The following LOXHD1 variants were observed in gnomAD, a reference collection of about 807,000 sequenced individuals.
LOXHD1 encodes the protein lipoxygenase homology PLAT domains 1, also known as lipoxygenase homology domain-containing protein 1.
LOXHD1 carries 205 observed loss-of-function variants against 248.2 expected under a neutral mutation model. That is an observed-to-expected ratio of 0.83 (90% CI 0.74 to 0.93). LOXHD1 has a LOEUF of 0.93. LOXHD1 is among the 40% of genes least tolerant of loss of function. LOXHD1 has a pLI of 0.00. For synonymous variants in LOXHD1, 1,113 were observed against 1,162.8 expected (o/e 0.96, Z 0.87); for missense variants, 2,930 against 2,971.6 (o/e 0.99, Z 0.33).
intron 4 of LOXHD1, among the ~76,000 whole-genome samples, chr18:46,618,626 A>T (rs1312158591): frequency 2.0e-5 from 3 of 152,230 alleles, no homozygotes; most frequent in Non-Finnish European, 2.9e-5. Flanking sequence ...TTGCCTTGAA[A>T]CACAGGGATC....
At chr18:46,552,970 C>T (rs998446620) in intron 21 of LOXHD1, among the ~76,000 whole-genome samples, 1 of 152,184 alleles carries the variant, frequency 6.6e-6, no homozygotes, top group Non-Finnish European at 1.5e-5. Flanking sequence ...AAGCACCAAA[C>T]AAGGCTGCTG....
chr18:46,585,162 G>A (rs527298659), intron 12 of LOXHD1, among the ~76,000 whole-genome samples: 3 of 152,180 alleles, frequency 2.0e-5, no homozygotes, highest in South Asian at 4.2e-4. Context: ...GATCAGAAAC[G>A]AGTCATCTCT....
intron 3 of LOXHD1, among the ~76,000 whole-genome samples, chr18:46,641,503 A>C (rs1456401555): frequency 1.3e-5 from 2 of 152,166 alleles, no homozygotes; most frequent in Non-Finnish European, 2.9e-5. Context: ...CCACTTGCTG[A>C]GTGTTTACTG....
intron 11 of LOXHD1, 105 bp downstream of exon 11, chr18:46,592,393 T>C (rs2144234604): frequency 1.0e-6 from 1 of 976,118 alleles, no homozygotes; most frequent in Non-Finnish European, 1.5e-6. Context: ...TCAGTCCCTA[T>C]TCACAATAAA....
At chr18:46,570,590 T>C (rs1263143533) in intron 15 of LOXHD1, among the ~76,000 whole-genome samples, 1 of 152,172 alleles carries the variant, frequency 6.6e-6, no homozygotes, top group Non-Finnish European at 1.5e-5. Context: ...TGCTGAAAGA[T>C]GTAGCAGCAG....
chr18:46,555,064 A>T, intron 21 of LOXHD1: 1 of 467,904 alleles, frequency 2.1e-6, no homozygotes, highest in Non-Finnish European at 4.4e-6. Context: ...TAAAGCTATA[A>T]TAATGTTTAA....
In LOXHD1 at chr18:46,591,959, C is replaced by T; in HGVS notation, c.1628G>A (p.Gly543Asp). 6.4e-7 allele frequency: 1 copy of T among 1,551,904 alleles called. No homozygotes were observed. The change falls in exon 12 of 41, where the codon GGC becomes GAC. Residue 543 changes from glycine to aspartate, a missense_variant. Gly to Asp is a moderately conservative substitution (Grantham distance 94). Coordinates refer to ENST00000642948, the MANE Select transcript of LOXHD1 (RefSeq NM_001384474.1). ...NEIVREMTAEGPTVRRIMGMA... is the reference protein window; with the variant it reads ...NEIVREMTAEDPTVRRIMGMA... ...GCCCATGATCCTGCGCACTGTTGGG[C>T]CTTCTGCAGTCATTTCCCTCACTAT... is the stretch of plus-strand genomic sequence containing the variant.
intron 12 of LOXHD1, among the ~76,000 whole-genome samples, chr18:46,580,935 A>T (rs552146132): frequency 5.3e-5 from 8 of 152,310 alleles, no homozygotes; most frequent in African/African-American, 1.9e-4. Context: ...AAGGAATATG[A>T]GATAAGGCTC....
chr18:46,555,562 G>C (rs926528783), intron 21 of LOXHD1, among the ~76,000 whole-genome samples: 1 of 152,150 alleles, frequency 6.6e-6, no homozygotes, highest in Non-Finnish European at 1.5e-5. Context: ...CTATGGGCTG[G>C]AAAGTTGATT....
Position 46,618,270 on chromosome 18 carries a change from C to G in LOXHD1, c.532G>C (p.Val178Leu). 6.4e-7 allele frequency: 1 copy of G among 1,550,982 alleles called. No individual in the cohort carries two copies. The highest frequency in any genetic ancestry group is 8.7e-7 in the Non-Finnish European group (1 of 1,146,432). Residue 178 changes from valine (V) to leucine (L), a missense_variant, in exon 5 of 41, where the codon GTA becomes CTA. Val to Leu is a conservative substitution (Grantham distance 32). Transcript: ENST00000642948. ...MPRGNKYEVK[V>L]YTGDVIGAGT... is the part of the protein sequence containing the mutation. ...GCACCAATTACATCACCAGTGTATA[C>G]CTTGACTTCATACTTATTACCTAGG...
Position 46,580,750 on chromosome 18 carries a change from T to C in LOXHD1, c.1655-966A>G, listed in dbSNP as rs147784192. On this transcript the variant is annotated intron_variant, in intron 12 of 40. Transcript: ENST00000642948. ...AGGGACATCTTGGAGTGGTAAGGAG[T>C]GGAGTGAGGGAATATAAATTATTTA... Among the ~76,000 whole-genome samples, 359 of 151,450 alleles carry C rather than the reference T, an allele frequency of 2.4e-3. 1 individual carries two copies. Among genetic ancestry groups the C allele is most frequent in the African/African-American group, 8.5e-3 (350 of 41,262 alleles).
chr18:46,639,642 C>T lies in LOXHD1; in HGVS notation c.485G>A (p.Ser162Asn), dbSNP rs1292404435. ...TCTGGGCATGTCCATGGGGTTGAAG[C>T]TGGCCAGCAGGTCACGGCACCACTG... is the stretch of plus-strand genomic sequence containing the variant. ...DRQWCRDLLA[S>N]FNPMDMPRGN... Residue 162 changes from serine (S) to asparagine (N), a missense_variant, in exon 4 of 41, where the codon AGC becomes AAC. Ser to Asn is a conservative substitution (Grantham distance 46). Transcript: ENST00000642948. The T allele has an allele frequency of 3.9e-6, 6 of 1,551,572 alleles. No individual in the cohort carries two copies. The Admixed American group carries it at 5.9e-5, about 15-fold the overall frequency.
At chr18:46,548,105 C>G (rs1434842241) in intron 21 of LOXHD1, among the ~76,000 whole-genome samples, 1 of 152,238 alleles carries the variant, frequency 6.6e-6, no homozygotes, top group African/African-American at 2.4e-5. Context: ...TTTCCCTTCC[C>G]TTTCATTCTC....
At position 46,592,701 on chromosome 18, in the gene LOXHD1, T is replaced by C. The variant is rs1333561083; in HGVS notation, c.1432-117A>G. ...TGGGCTCTTTCTTCAGCAGTGAGGA[T>C]GGGTTTGCTTCAATCAAGCCACCCT... On this transcript the variant is annotated intron_variant, in intron 10 of 40. Transcript: ENST00000642948. 14 of 825,108 alleles carry C rather than the reference T, an allele frequency of 1.7e-5. No individual in the cohort carries two copies. The East Asian group carries it at 2.7e-4, about 16-fold the overall frequency. The allele number at this position is 825,108 out of a possible 1,614,324, so 51.1% of individuals were successfully genotyped here.
At chr18:46,581,308 G>A (rs539032335) in intron 12 of LOXHD1, among the ~76,000 whole-genome samples, 1 of 152,270 alleles carries the variant, frequency 6.6e-6, no homozygotes, top group African/African-American at 2.4e-5. Flanking sequence ...TCTTGGTGAT[G>A]GATCAGATAG....
chr18:46,578,445 G>C (rs80147832), intron 13 of LOXHD1, among the ~76,000 whole-genome samples: 8,802 of 152,248 alleles, frequency 0.058, 317 homozygotes, highest in Non-Finnish European at 0.086. Context: ...AGGTGGGTGG[G>C]TGGGAAGGAG....
intron 16 of LOXHD1, 73 bp from the exon 17 acceptor site, chr18:46,566,522 C>G: frequency 7.5e-7 from 1 of 1,329,418 alleles, no homozygotes; most frequent in Admixed American, 2.0e-5. Flanking sequence ...CCCTACCTCC[C>G]CAAACACCAG....
intron 19 of LOXHD1, 115 bp downstream of exon 19, chr18:46,559,968 C>A (rs928365919): frequency 9.0e-7 from 1 of 1,107,066 alleles, no homozygotes; most frequent in African/African-American, 1.6e-5. Flanking sequence ...TGATGGGTGC[C>A]CACCTATTTG....
intron 19 of LOXHD1, 35 bp downstream of exon 19, chr18:46,560,048 T>TCCCAA: frequency 3.3e-6 from 4 of 1,226,294 alleles, no homozygotes; most frequent in Non-Finnish European, 4.5e-6. Context: ...GTCTGGCCAC[T>TCCCAA]CCCTCCCCAC....
Sources: allele counts gnomAD v4.1 joint callset (sites outside exome capture counted in the v4.1 genomes callset), GRCh38; gene constraint gnomAD v4.1.1; transcripts MANE v1.5; gene names NCBI Gene and HGNC (gene_info 2026-07-23, HGNC 2026-07-21).